EVI5L: variants seen among roughly 807,000 people sequenced by gnomAD.
EVI5L encodes EVI5-like protein.
EVI5L carries 30 observed loss-of-function variants against 106.1 expected under a neutral mutation model. That is an observed-to-expected ratio of 0.28 (90% CI 0.21 to 0.38). The LOEUF (loss-of-function observed/expected upper bound fraction) is 0.38, where lower values mean the gene tolerates loss of function less well. Among genes scored for constraint, EVI5L ranks in the 10% least tolerant of loss-of-function variants. EVI5L has a pLI of 1.00. For missense variants in EVI5L, 809 were observed against 1,098.0 expected (o/e 0.74, Z 3.72); for synonymous variants, 489 against 483.3 (o/e 1.01, Z -0.15).
intron 1 of EVI5L, among the ~76,000 whole-genome samples, chr19:7,832,425 T>C (rs1978297498): frequency 6.6e-6 from 1 of 152,202 alleles, no homozygotes; most frequent in Non-Finnish European, 1.5e-5. Flanking sequence ...CACTAGCGGA[T>C]TGTGGACCAT....
At chr19:7,859,665 C>G (rs1394755508) in intron 13 of EVI5L, among the ~76,000 whole-genome samples, 10 of 152,226 alleles carry the variant, frequency 6.6e-5, no homozygotes, top group African/African-American at 2.4e-4. Context: ...CTCATCCCAC[C>G]CACTGCATGA....
At chr19:7,842,887 G>A (rs972830621) in intron 1 of EVI5L, among the ~76,000 whole-genome samples, 1 of 151,828 alleles carries the variant, frequency 6.6e-6, no homozygotes, top group Non-Finnish European at 1.5e-5. Context: ...ATGTGCATGG[G>A]TATGTGTGTA....
chr19:7,857,197 T>C lies in EVI5L; in HGVS notation c.1233+73T>C, dbSNP rs1394887957. On this transcript the variant is annotated intron_variant, in intron 12 of 19. Coordinates refer to ENST00000538904, the MANE Select transcript of EVI5L (RefSeq NM_001159944.3). This position sits in a 1 kb window ranked among gnomAD's most constrained non-coding sequence, Gnocchi z 4.5. ...CCTGCACCCTGCACATGACAGCCAG[T>C]AACCGCCTCTTCCCTGCCATTCTGC... 2.6e-6 allele frequency: 4 copies of C among 1,529,960 alleles called. No individual in the cohort carries two copies. The highest frequency in any genetic ancestry group is 3.5e-6 in the Non-Finnish European group (4 of 1,129,290). The allele number at this position is 1,529,960 out of a possible 1,614,324, so 94.8% of individuals were successfully genotyped here.
At position 7,847,866 on chromosome 19, in the gene EVI5L, G is replaced by A. The variant is rs1291868032; in HGVS notation, c.272G>A (p.Gly91Asp). The A allele has an allele frequency of 6.3e-7, 1 of 1,596,842 alleles. No individual in the cohort carries two copies. Among genetic ancestry groups the A allele is most frequent in the Non-Finnish European group, 8.5e-7 (1 of 1,171,642 alleles). The part of the protein sequence containing the change: ...HLEEDTWILW[G>D]RIANEWEEWR... The stretch of plus-strand genomic sequence containing the variant: ...GAGGAGGACACGTGGATCCTGTGGG[G>A]CCGGATCGCCAACGAGTGGGAGGAG... The change falls in exon 3 of 20, where the codon GGC (glycine) becomes GAC (aspartate). Residue 91 changes from glycine to aspartate, a missense_variant. Physicochemically the swap from Gly to Asp is moderately conservative, Grantham distance 94. Coordinates refer to ENST00000538904, the MANE Select transcript of EVI5L (RefSeq NM_001159944.3).
At chr19:7,841,021 G>A (rs1978577778) in intron 1 of EVI5L, among the ~76,000 whole-genome samples, 1 of 152,136 alleles carries the variant, frequency 6.6e-6, no homozygotes, top group Admixed American at 6.5e-5. Context: ...CCGCCTGACT[G>A]TTCTCCATCC....
chr19:7,833,085 G>A (rs1352418561), intron 1 of EVI5L, among the ~76,000 whole-genome samples: 1 of 152,238 alleles, frequency 6.6e-6, no homozygotes. Flanking sequence ...GAAACCACGA[G>A]GAGGACTTGT....
intron 1 of EVI5L, among the ~76,000 whole-genome samples, chr19:7,831,196 C>A (rs1183810818): frequency 4.0e-5 from 6 of 150,326 alleles, no homozygotes; most frequent in African/African-American, 1.5e-4. Context: ...CACTCCCCAT[C>A]CAGAGCCACC....
chr19:7,836,865 C>T (rs1363861298), intron 1 of EVI5L, among the ~76,000 whole-genome samples: 1 of 100,762 alleles, frequency 9.9e-6, no homozygotes, highest in Non-Finnish European at 2.1e-5. Context: ...CTCCTGACCT[C>T]AAGTGATCTG....
Position 7,858,190 on chromosome 19 carries a change from G to T in EVI5L, c.1234-1G>T. 6.4e-7 allele frequency: 1 copy of T among 1,559,574 alleles called. No individual in the cohort carries two copies. Among genetic ancestry groups the T allele is most frequent in the East Asian group, 2.4e-5 (1 of 41,978 alleles). ...CTGCCCCCTGTCCTCGCTGTTCTCA[G>T]GGGCAAGTGACACGGGCGCAGGAGG... On this transcript the variant is annotated splice_acceptor_variant, in intron 12 of 19. Transcript: ENST00000538904. LOFTEE classifies it high-confidence loss of function. The surrounding 1 kb of genome is among the most constrained non-coding windows in gnomAD (Gnocchi z 5.7).
chr19:7,847,717 G>A lies in EVI5L; in HGVS notation c.138-15G>A, dbSNP rs1979022082. The A allele has an allele frequency of 1.9e-6, 3 of 1,606,382 alleles. No homozygotes were observed. Among genetic ancestry groups the A allele is most frequent in the Middle Eastern group, 1.8e-4 (1 of 5,424 alleles). Reference sequence around the variant, plus strand: ...GGGAGTCACTGGTTCCCCTCTGTCGGCCCTTCCTGCCCAGGCTCCTGGAGG... The same window carrying A: ...GGGAGTCACTGGTTCCCCTCTGTCGACCCTTCCTGCCCAGGCTCCTGGAGG... On this transcript the variant is annotated splice_polypyrimidine_tract_variant and intron_variant, in intron 2 of 19. Transcript: ENST00000538904.
chr19:7,862,841 C>T (rs979326687), intron 17 of EVI5L, 131 bp from the exon 18 acceptor site: 1 of 551,216 alleles, frequency 1.8e-6, no homozygotes, highest in African/African-American at 2.3e-5. Context: ...CCGCCCCTGC[C>T]CGCGGTCCTG....
chr19:7,846,528 A>G lies in EVI5L; in HGVS notation c.-15A>G. On this transcript the variant is annotated 5_prime_UTR_variant, in exon 2 of 20. Coordinates refer to ENST00000538904, the MANE Select transcript of EVI5L (RefSeq NM_001159944.3). Reference sequence around the variant, plus strand: ...TGTGAACCAACCCCGCTCACGGCTAACAAGCCCACCCACCATGGCGAGCCC... The same window carrying G: ...TGTGAACCAACCCCGCTCACGGCTAGCAAGCCCACCCACCATGGCGAGCCC... 6.2e-7 allele frequency: 1 copy of G among 1,602,424 alleles called. No individual in the cohort carries two copies. Among genetic ancestry groups the G allele is most frequent in the Non-Finnish European group, 8.5e-7 (1 of 1,175,312 alleles).
At position 7,858,288 on chromosome 19, in the gene EVI5L, T is replaced by A; in HGVS notation, c.1331T>A (p.Leu444Gln). The change falls in exon 13 of 20, where the codon CTG becomes CAG. Residue 444 changes from leucine (L) to glutamine (Q), a missense_variant. This residue lies in a region of EVI5L where 452 missense variants were observed against 509.9 expected (regional missense o/e 0.89). Transcript: ENST00000538904. This position sits in a 1 kb window ranked among gnomAD's most constrained non-coding sequence, Gnocchi z 5.7. ...CAGTGCAGCTCGGCGGCCGAGGACCTGCAGAAGGCACAGAGCACCATCCGG... is the reference window on the plus strand; with the variant it reads ...CAGTGCAGCTCGGCGGCCGAGGACCAGCAGAAGGCACAGAGCACCATCCGG... Reference protein sequence around the residue: ...RQQCSSAAEDLQKAQSTIRQL... With the variant: ...RQQCSSAAEDQQKAQSTIRQL... 6.4e-7 allele frequency: 1 copy of A among 1,550,586 alleles called. No homozygotes were observed. The highest frequency in any genetic ancestry group is 8.7e-7 in the Non-Finnish European group (1 of 1,147,560).
chr19:7,855,269 C>G (rs1231077608), intron 10 of EVI5L, among the ~76,000 whole-genome samples: 4 of 152,080 alleles, frequency 2.6e-5, no homozygotes, highest in South Asian at 2.1e-4. Flanking sequence ...GCATGCACCA[C>G]CACGCCTGGC....
rs117140473 is a variant in EVI5L, at chr19:7,860,977, A to T, written c.1503+288A>T. On this transcript the variant is annotated intron_variant, in intron 14 of 19. Transcript: ENST00000538904. The stretch of plus-strand genomic sequence containing the variant: ...AGGAAGGAAGGGAGGAGAGAGGGGG[A>T]TGGGGGAGGGGGACAGGAAGGAGAG... Among the ~76,000 whole-genome samples the T allele has an allele frequency of 6.5e-3, 984 of 151,624 alleles. 6 individuals are homozygous for T. The highest frequency in any genetic ancestry group is 0.01 in the Non-Finnish European group (684 of 67,858).
In EVI5L at chr19:7,860,605, C is replaced by G; in HGVS notation, c.1419C>G (p.Thr473=). The G allele has an allele frequency of 6.2e-7, 1 of 1,601,236 alleles. No homozygotes were observed. The highest frequency in any genetic ancestry group is 1.3e-5 in the African/African-American group (1 of 74,872). ...AAGACTTCGTGTCCCACCTGGAGAC[C>G]GAGCTGGAGCAGTCGAGGCTGCGGG... is the stretch of plus-strand genomic sequence containing the variant. ...LTEDFVSHLE[T]ELEQSRLRET... Residue 473 remains threonine, a synonymous_variant, in exon 14 of 20, where the codon ACC becomes ACG. Transcript: ENST00000538904.
chr19:7,861,919 G>T lies in EVI5L; in HGVS notation c.1545G>T (p.Leu515=). Reference sequence around the variant, plus strand: ...CCGACGAGAACAATGTGGCGCAGCTGCAGGAGGAGCTGAAGGCGCTCAAGG... The same window carrying T: ...CCGACGAGAACAATGTGGCGCAGCTTCAGGAGGAGCTGAAGGCGCTCAAGG... The part of the protein sequence containing the change: ...SLPDENNVAQ[L]QEELKALKVR... Residue 515 remains leucine, a synonymous_variant, in exon 15 of 20, where the codon CTG becomes CTT. Transcript: ENST00000538904. 1.3e-6 allele frequency: 2 copies of T among 1,550,818 alleles called. No individual in the cohort carries two copies. Among genetic ancestry groups the T allele is most frequent in the Non-Finnish European group, 1.7e-6 (2 of 1,147,236 alleles).
In EVI5L at chr19:7,856,283, C is replaced by T. The variant is rs1240673116; in HGVS notation, c.1200+215C>T. 6.6e-6 allele frequency among the ~76,000 whole-genome samples: 1 copy of T among 151,998 alleles called. No individual in the cohort carries two copies. On this transcript the variant is annotated intron_variant, in intron 11 of 19. Transcript: ENST00000538904. The surrounding 1 kb of genome is among the most constrained non-coding windows in gnomAD (Gnocchi z 6.6). ...ATGGTGATTAATCCTGGAGTGGGGG[C>T]GAGTTACAACCCAGTGGCCTGCAGC...
chr19:7,833,655 C>T (rs4804827), intron 1 of EVI5L, among the ~76,000 whole-genome samples: 23,642 of 152,240 alleles, frequency 0.16, 2,417 homozygotes, highest in Middle Eastern at 0.22. Flanking sequence ...CAGGAGCAAG[C>T]GTGGTGCGCT....
Sources: gnomAD v4.1 joint callset for allele counts (sites outside exome capture counted in the v4.1 genomes callset) on GRCh38, gnomAD v4.1.1 for gene constraint, gnomAD v4.1.1 regional missense constraint, Gnocchi (gnomAD v3.1) non-coding constraint, MANE v1.5 for transcripts, NCBI Gene and HGNC (gene_info 2026-07-23, HGNC 2026-07-21) for gene names.